CCDC50: variants seen among roughly 807,000 people sequenced by gnomAD.
CCDC50 encodes coiled-coil domain containing 50.
Under a neutral mutation model 70.2 loss-of-function variants are expected in CCDC50, and 54 were observed. The observed-to-expected ratio is 0.77, with a 90% CI of 0.62 to 0.96. The LOEUF (loss-of-function observed/expected upper bound fraction) is 0.96, where lower values mean the gene tolerates loss of function less well. CCDC50 is among the 50% of genes least tolerant of loss of function. The pLI is 0.00. For missense variants in CCDC50, 558 were observed against 578.7 expected (o/e 0.96, Z 0.37); for synonymous variants, 216 against 198.8 (o/e 1.09, Z -0.73).
chr3:191,380,109 A>G, intron 6 of CCDC50, 50 bp from the exon 7 acceptor site: 1 of 1,195,794 alleles, frequency 8.4e-7, no homozygotes, highest in Non-Finnish European at 1.2e-6. Context: ...AACTTTTCAG[A>G]AAACATCCTC....
At chr3:191,333,072 G>T (rs1280380681) in intron 1 of CCDC50, among the ~76,000 whole-genome samples, 2 of 151,772 alleles carry the variant, frequency 1.3e-5, no homozygotes, top group Non-Finnish European at 2.9e-5. Flanking sequence ...CATTCTTTAG[G>T]TGGAAAGTTC....
intron 1 of CCDC50, among the ~76,000 whole-genome samples, chr3:191,349,830 T>A (rs1712043922): frequency 7.1e-6 from 1 of 141,810 alleles, no homozygotes; most frequent in African/African-American, 2.5e-5. Context: ...AAACTAGGTC[T>A]CATTTTTATT....
At chr3:191,355,517 C>T (rs1042317811) in intron 1 of CCDC50, among the ~76,000 whole-genome samples, 2 of 152,188 alleles carry the variant, frequency 1.3e-5, no homozygotes, top group Non-Finnish European at 2.9e-5. Flanking sequence ...CTCTTGAGCT[C>T]TTGCTGGCTT....
chr3:191,337,394 C>A (rs1711556296), intron 1 of CCDC50, among the ~76,000 whole-genome samples: 1 of 151,748 alleles, frequency 6.6e-6, no homozygotes, highest in Non-Finnish European at 1.5e-5. Context: ...ATTTTTCTTT[C>A]TCTCTCTCTT....
At chr3:191,343,202 C>T (rs919732204) in intron 1 of CCDC50, among the ~76,000 whole-genome samples, 1 of 152,226 alleles carries the variant, frequency 6.6e-6, no homozygotes, top group Non-Finnish European at 1.5e-5. Flanking sequence ...CTCACGTATA[C>T]CCAGGGATGA....
intron 4 of CCDC50, among the ~76,000 whole-genome samples, chr3:191,365,244 A>G (rs1287770241): frequency 6.6e-6 from 1 of 151,940 alleles, no homozygotes; most frequent in Non-Finnish European, 1.5e-5. Context: ...CCTTTATAGT[A>G]TAAACTGCTC....
chr3:191,387,524 A>G (rs995075276), intron 10 of CCDC50, among the ~76,000 whole-genome samples: 8 of 149,886 alleles, frequency 5.3e-5, no homozygotes, highest in South Asian at 2.1e-4. Context: ...TTTGTTCTCT[A>G]TGTAACCTGA....
chr3:191,360,099 G>A (rs1050169051), intron 3 of CCDC50, among the ~76,000 whole-genome samples: 1 of 152,226 alleles, frequency 6.6e-6, no homozygotes, highest in East Asian at 1.9e-4. Flanking sequence ...TGGGAAGGAT[G>A]AAATGCTGCA....
At chr3:191,361,621 TTC>T (rs964967312) in intron 4 of CCDC50, among the ~76,000 whole-genome samples, 3 of 152,234 alleles carry the variant, frequency 2.0e-5, no homozygotes, top group African/African-American at 7.2e-5. Flanking sequence ...CATGGCTTTA[TTC>T]TCTGTCTGTA....
At chr3:191,365,407 G>C (rs531048960) in intron 4 of CCDC50, among the ~76,000 whole-genome samples, 1 of 152,018 alleles carries the variant, frequency 6.6e-6, no homozygotes, top group African/African-American at 2.4e-5. Context: ...AGATCAAACA[G>C]TAATACCATT....
In CCDC50 at chr3:191,329,551, C is replaced by T; in HGVS notation, c.-124C>T. On this transcript the variant is annotated 5_prime_UTR_variant, in exon 1 of 12. Coordinates refer to ENST00000392455, the MANE Select transcript of CCDC50 (RefSeq NM_178335.3). Reference sequence around the variant, plus strand: ...CGCCCGACCCGCTCCGTTCTCCGGCCTGCGAGCCCTGCCGGCCGGACTTTG... The same window carrying T: ...CGCCCGACCCGCTCCGTTCTCCGGCTTGCGAGCCCTGCCGGCCGGACTTTG... 1 of 922,312 alleles carries T rather than the reference C, an allele frequency of 1.1e-6. No homozygotes were observed. Among genetic ancestry groups the T allele is most frequent in the South Asian group, 1.9e-5 (1 of 53,948 alleles). 57.1% of individuals were successfully genotyped at this position (922,312 alleles called of 1,614,324 possible).
At chr3:191,373,690 C>T (rs527513177) in intron 5 of CCDC50, among the ~76,000 whole-genome samples, 1 of 137,190 alleles carries the variant, frequency 7.3e-6, no homozygotes, top group East Asian at 1.9e-4. Context: ...CCGGGTAATT[C>T]TTCTGTTTTG....
intron 1 of CCDC50, among the ~76,000 whole-genome samples, chr3:191,348,243 A>G (rs1425603334): frequency 1.4e-5 from 2 of 141,462 alleles, no homozygotes; most frequent in East Asian, 3.9e-4. Flanking sequence ...GATGGAACAC[A>G]GAGATTCCCC....
At chr3:191,330,200 T>C (rs1322404049) in intron 1 of CCDC50, among the ~76,000 whole-genome samples, 1 of 152,154 alleles carries the variant, frequency 6.6e-6, no homozygotes, top group Non-Finnish European at 1.5e-5. Context: ...GGCGTCTGGC[T>C]GGCTGACTTT....
chr3:191,388,837 G>A (rs1713586574), intron 10 of CCDC50, among the ~76,000 whole-genome samples: 1 of 152,022 alleles, frequency 6.6e-6, no homozygotes. Flanking sequence ...TAAAGAATGA[G>A]AGGTTTTCTG....
intron 10 of CCDC50, among the ~76,000 whole-genome samples, chr3:191,388,308 A>G (rs1332658693): frequency 1.3e-5 from 2 of 152,110 alleles, no homozygotes; most frequent in African/African-American, 4.8e-5. Flanking sequence ...ATACACACCT[A>G]TGTAGTAGAG....
chr3:191,396,045 A>T lies in CCDC50; in HGVS notation c.*4285A>T, dbSNP rs1713848807. ...ATCCATGGCGAGAGGTAAGAATATT[A>T]AAGAGTCAGGATATTGTTGCTCCTG... On this transcript the variant is annotated 3_prime_UTR_variant, in exon 12 of 12. Transcript: ENST00000392455. 6.6e-6 allele frequency: 1 copy of T among 152,200 alleles called. No homozygotes were observed. The highest frequency in any genetic ancestry group is 2.4e-5 in the African/African-American group (1 of 41,472). 9.4% of individuals were successfully genotyped at this position (152,200 alleles called of 1,614,324 possible).
intron 10 of CCDC50, among the ~76,000 whole-genome samples, chr3:191,385,338 A>G (rs1251776868): frequency 6.6e-6 from 1 of 152,076 alleles, no homozygotes; most frequent in Non-Finnish European, 1.5e-5. Flanking sequence ...TTATTGTTTG[A>G]CTTTTTCATA....
chr3:191,359,529 A>T (rs1399639612), intron 3 of CCDC50, among the ~76,000 whole-genome samples: 1 of 152,202 alleles, frequency 6.6e-6, no homozygotes, highest in Non-Finnish European at 1.5e-5. Context: ...TTTGGGATCT[A>T]TTCTGTAGAC....
Sources: allele counts gnomAD v4.1 joint callset (sites outside exome capture counted in the v4.1 genomes callset), GRCh38; gene constraint gnomAD v4.1.1; transcripts MANE v1.5; gene names NCBI Gene and HGNC (gene_info 2026-07-23, HGNC 2026-07-21).